Variants in TTC7A observed in about 807,000 individuals in gnomAD.
TTC7A encodes the protein tetratricopeptide repeat domain 7A, also known as tetratricopeptide repeat protein 7A.
TTC7A carries 110 observed loss-of-function variants against 103.7 expected under a neutral mutation model. The observed-to-expected ratio is 1.06, with a 90% CI of 0.91 to 1.24. The LOEUF is 1.24. Ranked by LOEUF, TTC7A falls within the 50% of genes most tolerant of loss-of-function variation. TTC7A has a pLI of 0.00. For missense variants in TTC7A, 1,340 were observed against 1,116.3 expected (o/e 1.20, Z -2.86); for synonymous variants, 521 against 467.9 (o/e 1.11, Z -1.47).
At chr2:47,058,272 T>C (rs1683483043) in intron 18 of TTC7A, among the ~76,000 whole-genome samples, 1 of 152,188 alleles carries the variant, frequency 6.6e-6, no homozygotes, top group African/African-American at 2.4e-5. Flanking sequence ...TCTCTGATCC[T>C]CCCAAGTTCT....
upstream of TTC7A, among the ~76,000 whole-genome samples, chr2:46,937,523 C>T (rs1670041236): frequency 6.6e-6 from 1 of 152,186 alleles, no homozygotes; most frequent in South Asian, 2.1e-4. The surrounding 1 kb of genome is among the most constrained non-coding windows in gnomAD (Gnocchi z 4.0). Context: ...AGATTTATAG[C>T]AATTCATTTA....
chr2:46,920,234 C>T (rs1669029620), intron 2 of TTC7A, among the ~76,000 whole-genome samples: 1 of 152,110 alleles, frequency 6.6e-6, no homozygotes, highest in African/African-American at 2.4e-5. Context: ...AATTAGCATT[C>T]TTTAGTATCC....
chr2:47,063,487 T>C (rs1487786755), intron 19 of TTC7A, among the ~76,000 whole-genome samples: 1 of 152,250 alleles, frequency 6.6e-6, no homozygotes, highest in Non-Finnish European at 1.5e-5. Context: ...TAGCTGTCAT[T>C]CTAGGTCAGT....
At chr2:46,988,458 T>C (rs1427666643) in intron 5 of TTC7A, among the ~76,000 whole-genome samples, 3 of 152,228 alleles carry the variant, frequency 2.0e-5, no homozygotes, top group African/African-American at 7.2e-5. Context: ...CTGGTAACCT[T>C]TCATACACAG....
At chr2:46,981,744 C>T (rs558682593) in intron 5 of TTC7A, among the ~76,000 whole-genome samples, 359 of 152,334 alleles carry the variant, frequency 2.4e-3, no homozygotes, top group Non-Finnish European at 4.1e-3. Context: ...CAAAGCACAC[C>T]GTTCTGGCCC....
At chr2:46,938,755 T>C (rs1670102349), upstream of TTC7A, among the ~76,000 whole-genome samples, 1 of 152,156 alleles carries the variant, frequency 6.6e-6, no homozygotes, top group Non-Finnish European at 1.5e-5. Context: ...GGCTCATGCC[T>C]GTAATCCCAG....
chr2:46,992,783 A>C (rs1361884210), intron 5 of TTC7A, among the ~76,000 whole-genome samples: 1 of 152,272 alleles, frequency 6.6e-6, no homozygotes, highest in Admixed American at 6.5e-5. Flanking sequence ...TAGAGGTAGA[A>C]GGAAAATGGA....
intron 5 of TTC7A, among the ~76,000 whole-genome samples, chr2:46,991,731 G>C (rs1675653330): frequency 6.6e-6 from 1 of 152,186 alleles, no homozygotes. Context: ...AAGTCTGGGA[G>C]ACACTGAGCT....
intron 1 of TTC7A, among the ~76,000 whole-genome samples, chr2:46,943,322 A>C (rs2103907783): frequency 6.6e-6 from 1 of 152,320 alleles, no homozygotes; most frequent in East Asian, 1.9e-4. Flanking sequence ...TATGTGGTTA[A>C]AGCCTGTACT....
intron 2 of TTC7A, among the ~76,000 whole-genome samples, chr2:46,928,788 G>A (rs1343512761): frequency 5.3e-5 from 8 of 151,716 alleles, no homozygotes; most frequent in African/African-American, 1.2e-4. Flanking sequence ...AAAGTCCCAC[G>A]TTTGAAATCA....
At chr2:47,038,626 A>C (rs1268433268) in intron 15 of TTC7A, among the ~76,000 whole-genome samples, 5 of 125,192 alleles carry the variant, frequency 4.0e-5, no homozygotes, top group Admixed American at 8.1e-5. Flanking sequence ...ACCTGCTGCC[A>C]CTTCCCACCC....
intron 3 of TTC7A, among the ~76,000 whole-genome samples, chr2:46,970,335 A>G (rs551926222): frequency 2.0e-5 from 3 of 152,328 alleles, no homozygotes; most frequent in East Asian, 3.9e-4. Flanking sequence ...TTGGAGAAGC[A>G]TGATGGGGAG....
chr2:46,945,363 C>T (rs894913112), intron 1 of TTC7A, among the ~76,000 whole-genome samples: 18 of 152,158 alleles, frequency 1.2e-4, no homozygotes, highest in African/African-American at 4.3e-4. Flanking sequence ...AGCGATTCTT[C>T]TGCCTCAGCC....
In TTC7A at chr2:47,055,976, C is replaced by A. The variant is rs11888214; in HGVS notation, c.2152+4096C>A. ...GTCTTCATTCAGTGCCTTCTTCCCA[C>A]GTCCTCCTCTTCCCTGGCTCCAGCT... On this transcript the variant is annotated intron_variant, in intron 18 of 19. Transcript: ENST00000319190. 4.7e-3 allele frequency among the ~76,000 whole-genome samples: 720 copies of A among 152,316 alleles called. 9 individuals carry two copies. The highest frequency in any genetic ancestry group is 0.017 in the African/African-American group (687 of 41,568).
intron 3 of TTC7A, among the ~76,000 whole-genome samples, chr2:46,965,563 A>AT (rs55634000): frequency 0.35 from 47,790 of 135,384 alleles, 9,252 homozygotes; most frequent in East Asian, 0.65. Flanking sequence ...CCCTGGATTC[A>AT]TTTTTTTTTT....
chr2:46,980,296 T>C (rs1390079201), intron 5 of TTC7A, among the ~76,000 whole-genome samples: 1 of 151,158 alleles, frequency 6.6e-6, no homozygotes, highest in African/African-American at 2.4e-5. Context: ...CATGGCTCAC[T>C]GTACCTCCTG....
intron 10 of TTC7A, among the ~76,000 whole-genome samples, chr2:47,010,503 G>A (rs568540019): frequency 1.4e-5 from 2 of 140,422 alleles, no homozygotes; most frequent in East Asian, 2.5e-4. Flanking sequence ...GCCCCGCCCC[G>A]CCCAGCCCTC....
rs1470251672 is a variant in TTC7A at position 47,060,828 on chromosome 2, G to A, written c.2212G>A (p.Ala738Thr). ...KEAGFCIQEAAGLFPTSHSVL... is the reference protein window; with the variant it reads ...KEAGFCIQEATGLFPTSHSVL... ...AGCAGGTTTCTGCATCCAGGAGGCG[G>A]CGGGCCTCTTCCCCACTTCTCACTC... Residue 738 changes from alanine to threonine, a missense_variant, in exon 19 of 20, where the codon GCG becomes ACG. Physicochemically the swap from Ala to Thr is moderately conservative, Grantham distance 58 (BLOSUM62 0). Coordinates refer to ENST00000319190, the MANE Select transcript of TTC7A (RefSeq NM_020458.4). 1.2e-6 allele frequency: 2 copies of A among 1,613,906 alleles called. No individual in the cohort carries two copies. Among genetic ancestry groups the A allele is most frequent in the South Asian group, 2.2e-5 (2 of 91,068 alleles).
chr2:46,917,342 A>G (rs1668864048), intron 2 of TTC7A: 1 of 605,740 alleles, frequency 1.7e-6, no homozygotes, highest in Non-Finnish European at 2.9e-6. Context: ...TTCAAGACCC[A>G]TTCTTCTTTC....
Sources: gnomAD v4.1 joint callset for allele counts (sites outside exome capture counted in the v4.1 genomes callset) on GRCh38, gnomAD v4.1.1 for gene constraint, Gnocchi (gnomAD v3.1) non-coding constraint, MANE v1.5 for transcripts, NCBI Gene and HGNC (gene_info 2026-07-23, HGNC 2026-07-21) for gene names.